The following ZBTB20 variants were observed in gnomAD, a reference collection of about 807,000 sequenced individuals.
ZBTB20 encodes the protein zinc finger and BTB domain containing 20, also known as zinc finger and BTB domain-containing protein 20.
A neutral mutation model predicts 56.9 loss-of-function variants in ZBTB20; 9 were observed. The ratio of observed to expected loss-of-function variants is 0.16; its 90% CI spans 0.10 to 0.28. The LOEUF is 0.28. Ranked by LOEUF, ZBTB20 falls within the 10% of genes least tolerant of loss-of-function variation. The probability of loss-of-function intolerance (pLI) is 1.00; values close to 1 mark genes in which losing one functional copy is unlikely to be tolerated. For missense variants in ZBTB20, 655 were observed against 1,003.0 expected, an observed-to-expected ratio of 0.65 and a Z score of 4.69; for synonymous variants, 417 against 420.7, an observed-to-expected ratio of 0.99 and a Z score of 0.11.
chr3:114,392,159 G>A (rs897970097), intron 7 of ZBTB20, among the ~76,000 whole-genome samples: 5 of 152,088 alleles, frequency 3.3e-5, no homozygotes, highest in Admixed American at 2.0e-4. Context: ...GAGGAGGTGC[G>A]GATGGTTAAT....
intron 1 of ZBTB20, among the ~76,000 whole-genome samples, chr3:115,094,422 G>C (rs2083305704): frequency 6.6e-6 from 1 of 151,848 alleles, no homozygotes; most frequent in East Asian, 1.9e-4. Flanking sequence ...AAATGTCTTG[G>C]TGCCTAAATA....
At chr3:114,575,507 TA>T (rs1170268882) in intron 6 of ZBTB20, among the ~76,000 whole-genome samples, 6 of 151,242 alleles carry the variant, frequency 4.0e-5, no homozygotes, top group African/African-American at 1.2e-4. Flanking sequence ...ATCATATCAA[TA>T]AAAAATCCAA....
chr3:114,655,047 T>G (rs1429429081), intron 6 of ZBTB20, among the ~76,000 whole-genome samples: 1 of 152,122 alleles, frequency 6.6e-6, no homozygotes. Flanking sequence ...TAAAGTGTAT[T>G]CCTGTAGACA....
intron 3 of ZBTB20, among the ~76,000 whole-genome samples, chr3:114,971,292 C>T (rs1272055364): frequency 6.6e-6 from 1 of 152,120 alleles, no homozygotes; most frequent in Non-Finnish European, 1.5e-5. Flanking sequence ...ACTGAAGATT[C>T]TGTGTAAGGT....
chr3:114,884,878 AC>A (rs1261504073), intron 4 of ZBTB20, among the ~76,000 whole-genome samples: 1 of 152,102 alleles, frequency 6.6e-6, no homozygotes, highest in East Asian at 1.9e-4. Flanking sequence ...TGGCTCAAAA[AC>A]CCCTGTAGCT....
intron 5 of ZBTB20, among the ~76,000 whole-genome samples, chr3:114,717,358 G>A (rs1258779922): frequency 6.6e-6 from 1 of 152,088 alleles, no homozygotes; most frequent in Non-Finnish European, 1.5e-5. Context: ...GATAGCCACA[G>A]AAAGGTTATT....
intron 7 of ZBTB20, among the ~76,000 whole-genome samples, chr3:114,459,834 C>T (rs1179414029): frequency 6.6e-6 from 1 of 151,936 alleles, no homozygotes; most frequent in Non-Finnish European, 1.5e-5. Context: ...ACTTAGAAAA[C>T]ATGTTTTAAA....
intron 5 of ZBTB20, among the ~76,000 whole-genome samples, chr3:114,694,963 T>C (rs2062916615): frequency 6.6e-6 from 1 of 152,100 alleles, no homozygotes; most frequent in African/African-American, 2.4e-5. Context: ...TTATTACTTG[T>C]ATGGCTTACT....
chr3:114,542,563 G>T (rs1014053021), intron 6 of ZBTB20, among the ~76,000 whole-genome samples: 1 of 152,196 alleles, frequency 6.6e-6, no homozygotes, highest in African/African-American at 2.4e-5. Flanking sequence ...GGGGAAGGGA[G>T]AATGGAGGTT....
At chr3:114,560,964 T>A (rs982751395) in intron 6 of ZBTB20, among the ~76,000 whole-genome samples, 3 of 152,226 alleles carry the variant, frequency 2.0e-5, no homozygotes, top group African/African-American at 4.8e-5. Context: ...AATGAGTTTA[T>A]AAAACATTCT....
intron 5 of ZBTB20, among the ~76,000 whole-genome samples, chr3:114,765,365 G>T (rs970617630): frequency 6.6e-6 from 1 of 152,100 alleles, no homozygotes; most frequent in African/African-American, 2.4e-5. Flanking sequence ...TGTAGAGAAA[G>T]GGGAAATTTG....
At chr3:114,727,315 C>G (rs1038809864) in intron 5 of ZBTB20, among the ~76,000 whole-genome samples, 3 of 152,190 alleles carry the variant, frequency 2.0e-5, no homozygotes, top group African/African-American at 7.2e-5. Flanking sequence ...TTCCAAAAAG[C>G]CTCTGTCAGT....
chr3:114,729,166 T>C (rs1183983310), intron 5 of ZBTB20, among the ~76,000 whole-genome samples: 1 of 152,086 alleles, frequency 6.6e-6, no homozygotes, highest in Non-Finnish European at 1.5e-5. Context: ...GACAACACAG[T>C]CCCATTTTTC....
chr3:114,639,339 G>T (rs927935856), intron 6 of ZBTB20, among the ~76,000 whole-genome samples: 1 of 152,012 alleles, frequency 6.6e-6, no homozygotes, highest in Non-Finnish European at 1.5e-5. Context: ...GAGTTAGGGA[G>T]GACTTTGGTG....
At chr3:114,956,068 A>C (rs901571546) in intron 3 of ZBTB20, among the ~76,000 whole-genome samples, 1 of 152,206 alleles carries the variant, frequency 6.6e-6, no homozygotes, top group Non-Finnish European at 1.5e-5. Flanking sequence ...AATAATACCA[A>C]GGTCTCTAAC....
intron 5 of ZBTB20, among the ~76,000 whole-genome samples, chr3:114,740,608 C>T (rs1278900295): frequency 6.6e-6 from 1 of 152,102 alleles, no homozygotes; most frequent in East Asian, 1.9e-4. Flanking sequence ...GGAAGGTATA[C>T]ATGTATGTGT....
chr3:114,853,640 T>C (rs1039846735), intron 4 of ZBTB20, among the ~76,000 whole-genome samples: 1 of 152,214 alleles, frequency 6.6e-6, no homozygotes, highest in Non-Finnish European at 1.5e-5. Flanking sequence ...TTCACATTCA[T>C]TGACCATTTA....
intron 6 of ZBTB20, among the ~76,000 whole-genome samples, chr3:114,523,236 GA>G (rs1456671927): frequency 5.3e-5 from 8 of 152,170 alleles, no homozygotes; most frequent in Admixed American, 2.0e-4. Flanking sequence ...AAAGACTGCC[GA>G]ATGGTTAATG....
At chr3:115,016,602 T>A (rs2079970328) in intron 2 of ZBTB20, among the ~76,000 whole-genome samples, 1 of 151,906 alleles carries the variant, frequency 6.6e-6, no homozygotes, top group Non-Finnish European at 1.5e-5. Flanking sequence ...GTCAGGTTTG[T>A]CGAAGATCAG....
Sources: gnomAD v4.1 joint callset for allele counts (sites outside exome capture counted in the v4.1 genomes callset) on GRCh38, gnomAD v4.1.1 for gene constraint, MANE v1.5 for transcripts, NCBI Gene and HGNC (gene_info 2026-07-23, HGNC 2026-07-21) for gene names.